SORCS3: variants seen among roughly 807,000 people sequenced by gnomAD.
The protein encoded by SORCS3 is sortilin related VPS10 domain containing receptor 3.
Under a neutral mutation model 146.3 loss-of-function variants are expected in SORCS3, and 57 were observed. The observed-to-expected ratio is 0.39, with a 90% CI of 0.31 to 0.49. SORCS3 has a LOEUF of 0.49. Ranked by LOEUF, SORCS3 falls within the 20% of genes least tolerant of loss-of-function variation. SORCS3 has a pLI of 0.92. For synonymous variants in SORCS3, 653 were observed against 618.5 expected, an observed-to-expected ratio of 1.06 and a Z score of -0.83; for missense variants, 1,341 against 1,575.5, an observed-to-expected ratio of 0.85 and a Z score of 2.52.
At chr10:104,909,935 G>A (rs1239962486) in intron 2 of SORCS3, among the ~76,000 whole-genome samples, 1 of 152,054 alleles carries the variant, frequency 6.6e-6, no homozygotes, top group Non-Finnish European at 1.5e-5. Context: ...ATTGTCAGTG[G>A]GAAAGTGGCC....
chr10:104,696,930 G>T (rs1311174300), intron 1 of SORCS3, among the ~76,000 whole-genome samples: 1 of 150,512 alleles, frequency 6.6e-6, no homozygotes, highest in Non-Finnish European at 1.5e-5. Flanking sequence ...ATCTAAAAAA[G>T]TTGAACTCAT....
At chr10:104,692,500 T>C in intron 1 of SORCS3, among the ~76,000 whole-genome samples, 1 of 152,198 alleles carries the variant, frequency 6.6e-6, no homozygotes, top group East Asian at 1.9e-4. Flanking sequence ...AACCTAATAC[T>C]TCTCTGTTCT....
chr10:104,944,128 T>C (rs966782316), intron 3 of SORCS3, among the ~76,000 whole-genome samples: 1 of 152,202 alleles, frequency 6.6e-6, no homozygotes, highest in African/African-American at 2.4e-5. Flanking sequence ...GAAAATGTGG[T>C]CTTTTAAAAA....
At chr10:104,664,956 ATTCCT>A in intron 1 of SORCS3, 1 of 152,754 alleles carries the variant, frequency 6.5e-6, no homozygotes, top group Non-Finnish European at 1.5e-5. Context: ...GGTGGAGGAC[ATTCCT>A]GGTCAAGGAG....
chr10:105,191,548 A>AT (rs1480361887), intron 14 of SORCS3, among the ~76,000 whole-genome samples: 1 of 152,206 alleles, frequency 6.6e-6, no homozygotes, highest in Non-Finnish European at 1.5e-5. Context: ...GGTTAGTATG[A>AT]TTTTGAATAT....
At chr10:105,143,940 C>G (rs937588282) in intron 8 of SORCS3, among the ~76,000 whole-genome samples, 2 of 152,128 alleles carry the variant, frequency 1.3e-5, no homozygotes, top group Non-Finnish European at 2.9e-5. Context: ...TTAAGCCTTT[C>G]TCCCTGCCTC....
intron 1 of SORCS3, among the ~76,000 whole-genome samples, chr10:104,722,892 G>A (rs1011989027): frequency 2.6e-5 from 4 of 152,046 alleles, no homozygotes; most frequent in African/African-American, 7.3e-5. Flanking sequence ...AGTCTTGCTA[G>A]CGGTCTATCA....
chr10:104,666,288 C>T (rs906059446), intron 1 of SORCS3: 2 of 152,136 alleles, frequency 1.3e-5, no homozygotes, highest in African/African-American at 4.8e-5. Flanking sequence ...GACATCACTG[C>T]TCATCACCAT....
intron 4 of SORCS3, among the ~76,000 whole-genome samples, chr10:105,017,432 G>A (rs1313456627): frequency 6.6e-6 from 1 of 152,178 alleles, no homozygotes; most frequent in African/African-American, 2.4e-5. Context: ...TAACCACAAA[G>A]TCTGGTTGGA....
chr10:105,066,372 G>T (rs1340756059), intron 5 of SORCS3, among the ~76,000 whole-genome samples: 3 of 152,184 alleles, frequency 2.0e-5, no homozygotes, highest in Non-Finnish European at 2.9e-5. Context: ...GATGAACGGG[G>T]TGAGAAAGAT....
At chr10:104,980,126 C>A (rs2054924049) in intron 4 of SORCS3, among the ~76,000 whole-genome samples, 1 of 152,222 alleles carries the variant, frequency 6.6e-6, no homozygotes. Flanking sequence ...GACTTGGTGG[C>A]TGCTCTTTCA....
intron 9 of SORCS3, among the ~76,000 whole-genome samples, chr10:105,149,317 C>G (rs970355602): frequency 6.6e-6 from 1 of 152,008 alleles, no homozygotes; most frequent in Admixed American, 6.6e-5. Context: ...GAATGTCATT[C>G]GGTAGAAAAC....
chr10:105,072,580 G>A (rs2055563539), intron 5 of SORCS3, among the ~76,000 whole-genome samples: 2 of 150,716 alleles, frequency 1.3e-5, no homozygotes, highest in South Asian at 4.2e-4. Context: ...CTGTTTTCCA[G>A]GGCCTAGATT....
chr10:105,160,962 T>C (rs1481681446), intron 11 of SORCS3, among the ~76,000 whole-genome samples: 2 of 152,272 alleles, frequency 1.3e-5, no homozygotes, highest in African/African-American at 4.8e-5. Flanking sequence ...GAAGTATGTG[T>C]CTATAAGACC....
intron 5 of SORCS3, among the ~76,000 whole-genome samples, chr10:105,043,480 A>G (rs1320186159): frequency 6.6e-6 from 1 of 152,162 alleles, no homozygotes; most frequent in African/African-American, 2.4e-5. Context: ...GGAAAAGTGC[A>G]TATATTTTAT....
chr10:104,913,258 G>T (rs1370431205), intron 2 of SORCS3, among the ~76,000 whole-genome samples: 2 of 152,126 alleles, frequency 1.3e-5, no homozygotes, highest in African/African-American at 4.8e-5. Flanking sequence ...TGGAAGAAGA[G>T]CATCAAATTG....
In SORCS3 at chr10:105,157,200, C is replaced by T. The variant is rs1259330184; in HGVS notation, c.1545C>T (p.Tyr515=). Residue 515 remains tyrosine (Y), a synonymous_variant, in exon 10 of 27, where the codon TAC becomes TAT. Coordinates refer to ENST00000369701, the MANE Select transcript of SORCS3 (RefSeq NM_014978.3). ...NKKVDDQVKT[Y]ITYNKGRDWR... is the part of the protein sequence containing the mutation. ...AGGTGGACGACCAGGTGAAGACATA[C>T]ATCACTTACAACAAAGGCAGGGATT... is the stretch of plus-strand genomic sequence containing the variant. 1 of 1,614,068 alleles carries T rather than the reference C, an allele frequency of 6.2e-7. No homozygotes were observed.
At chr10:104,926,395 G>A (rs1222061387) in intron 3 of SORCS3, among the ~76,000 whole-genome samples, 1 of 152,062 alleles carries the variant, frequency 6.6e-6, no homozygotes, top group African/African-American at 2.4e-5. Flanking sequence ...TTGGAGATGG[G>A]TTTAGGGGAA....
intron 2 of SORCS3, among the ~76,000 whole-genome samples, chr10:104,852,205 G>T (rs1248781870): frequency 6.6e-6 from 1 of 152,178 alleles, no homozygotes; most frequent in African/African-American, 2.4e-5. Flanking sequence ...CTGTGTAATT[G>T]AACATTCCAT....
Sources: gnomAD v4.1 joint callset for allele counts (sites outside exome capture counted in the v4.1 genomes callset) on GRCh38, gnomAD v4.1.1 for gene constraint, MANE v1.5 for transcripts, NCBI Gene and HGNC (gene_info 2026-07-23, HGNC 2026-07-21) for gene names.